Variants in METTL15 observed in about 807,000 individuals in gnomAD.
METTL15 encodes methyltransferase 15, mitochondrial 12S rRNA N4-cytidine.
Under a neutral mutation model 38.3 loss-of-function variants are expected in METTL15, and 34 were observed. The observed-to-expected ratio is 0.89, with a 90% CI of 0.68 to 1.18. The LOEUF is 1.18. Ranked by LOEUF, METTL15 falls within the 50% of genes most tolerant of loss-of-function variation. METTL15 has a pLI of 0.00. For synonymous variants in METTL15, 162 were observed against 170.9 expected (o/e 0.95, Z 0.41); for missense variants, 438 against 498.4 (o/e 0.88, Z 1.15).
At chr11:28,184,425 T>A (rs969866234) in intron 3 of METTL15, among the ~76,000 whole-genome samples, 2 of 151,754 alleles carry the variant, frequency 1.3e-5, no homozygotes, top group South Asian at 4.1e-4. Flanking sequence ...CTACACACTG[T>A]TTTAAATGTG....
At chr11:28,158,409 A>T (rs1480470493) in intron 3 of METTL15, among the ~76,000 whole-genome samples, 3 of 152,144 alleles carry the variant, frequency 2.0e-5, no homozygotes, top group Non-Finnish European at 4.4e-5. Context: ...ACTTCCACTC[A>T]CCAAGGCTGA....
At chr11:28,374,329 C>A (rs1850281383) in intron 5 of METTL15, among the ~76,000 whole-genome samples, 3 of 152,106 alleles carry the variant, frequency 2.0e-5, no homozygotes, top group African/African-American at 7.2e-5. Context: ...TTTGTATCCT[C>A]TTTTATTTCA....
intron 6 of METTL15, among the ~76,000 whole-genome samples, chr11:28,324,844 G>A (rs984424359): frequency 6.6e-6 from 1 of 152,110 alleles, no homozygotes; most frequent in African/African-American, 2.4e-5. Flanking sequence ...AAGAACAATC[G>A]GGGCCGTAGG....
At chr11:28,165,675 T>C (rs1850633330) in intron 3 of METTL15, among the ~76,000 whole-genome samples, 1 of 151,670 alleles carries the variant, frequency 6.6e-6, no homozygotes. Context: ...ATTCCATTTG[T>C]CTATTTTTGC....
chr11:28,154,889 G>A (rs1321351597), intron 3 of METTL15, among the ~76,000 whole-genome samples: 3 of 152,074 alleles, frequency 2.0e-5, no homozygotes, highest in African/African-American at 7.2e-5. Flanking sequence ...GCCATTCTCA[G>A]TATAAGATGA....
intron 6 of METTL15, among the ~76,000 whole-genome samples, chr11:28,519,920 G>A (rs767544316): frequency 6.6e-6 from 1 of 152,130 alleles, no homozygotes; most frequent in African/African-American, 2.4e-5. Context: ...CTGATTGTTT[G>A]TCCAGGCATT....
chr11:28,166,537 T>A (rs1026306438), intron 3 of METTL15, among the ~76,000 whole-genome samples: 3 of 152,220 alleles, frequency 2.0e-5, no homozygotes, highest in African/African-American at 2.4e-5. Context: ...AGCCATAATG[T>A]GTAGTTTAAA....
intron 3 of METTL15, among the ~76,000 whole-genome samples, chr11:28,350,201 G>A (rs1564903310): frequency 6.6e-6 from 1 of 152,134 alleles, no homozygotes; most frequent in Non-Finnish European, 1.5e-5. Context: ...ACCATAATCT[G>A]ATCCATGGGA....
intron 6 of METTL15, among the ~76,000 whole-genome samples, chr11:28,500,281 C>T (rs184317322): frequency 9.1e-4 from 139 of 152,312 alleles, no homozygotes; most frequent in African/African-American, 1.6e-3. Flanking sequence ...CTTCGATCAG[C>T]TTCCAATCCA....
chr11:28,317,881 A>G (rs114278167), intron 6 of METTL15, among the ~76,000 whole-genome samples: 2,509 of 152,298 alleles, frequency 0.016, 63 homozygotes, highest in African/African-American at 0.054. Context: ...TTCTCAATCA[A>G]TGCTTCCAGT....
chr11:28,337,279 TAAG>T (rs553933571), downstream of METTL15, among the ~76,000 whole-genome samples: 291 of 152,262 alleles, frequency 1.9e-3, no homozygotes, highest in African/African-American at 5.9e-3. Flanking sequence ...TAATTTTTTT[TAAG>T]ATACAGAGTC....
chr11:28,220,412 T>G (rs943401718), intron 4 of METTL15, among the ~76,000 whole-genome samples: 6 of 152,184 alleles, frequency 3.9e-5, no homozygotes, highest in Non-Finnish European at 5.9e-5. Flanking sequence ...TCCATTTGCT[T>G]GGTAGATCTT....
intron 3 of METTL15, among the ~76,000 whole-genome samples, chr11:28,135,653 A>G (rs1281092892): frequency 2.6e-5 from 4 of 152,238 alleles, no homozygotes; most frequent in Non-Finnish European, 4.4e-5. Context: ...GCAAAGGAAA[A>G]TGAATTATTA....
chr11:28,125,050 A>G (rs1443098965), intron 3 of METTL15, among the ~76,000 whole-genome samples: 2 of 152,122 alleles, frequency 1.3e-5, no homozygotes, highest in East Asian at 3.8e-4. Flanking sequence ...TTTAGAAGTT[A>G]AATACAGACA....
chr11:28,168,620 C>G (rs1431614882), intron 3 of METTL15, among the ~76,000 whole-genome samples: 1 of 145,554 alleles, frequency 6.9e-6, no homozygotes, highest in African/African-American at 2.6e-5. Context: ...CTCCCCCTCC[C>G]CCCATGCCAC....
intron 6 of METTL15, among the ~76,000 whole-genome samples, chr11:28,462,936 A>G (rs979203248): frequency 2.0e-5 from 3 of 152,140 alleles, no homozygotes; most frequent in African/African-American, 7.2e-5. Flanking sequence ...TTTTAGAGGC[A>G]GAATCAACAA....
At chr11:28,291,741 G>A (rs529009930) in intron 5 of METTL15, among the ~76,000 whole-genome samples, 2 of 152,246 alleles carry the variant, frequency 1.3e-5, no homozygotes, top group African/African-American at 4.8e-5. Context: ...GGAGATGGAG[G>A]TGGTTGTGTA....
chr11:28,262,464 T>C (rs146549756), intron 4 of METTL15, among the ~76,000 whole-genome samples: 1 of 151,824 alleles, frequency 6.6e-6, no homozygotes, highest in Non-Finnish European at 1.5e-5. Flanking sequence ...TAGTCTTATA[T>C]ATATGTGTAT....
intron 3 of METTL15, among the ~76,000 whole-genome samples, chr11:28,155,674 G>A (rs1410574762): frequency 1.3e-5 from 2 of 152,164 alleles, no homozygotes; most frequent in African/African-American, 4.8e-5. Flanking sequence ...CAAGAGGTTA[G>A]ATCTTGGATA....
Sources: allele counts gnomAD v4.1 joint callset (sites outside exome capture counted in the v4.1 genomes callset), GRCh38; gene constraint gnomAD v4.1.1; transcripts MANE v1.5; gene names NCBI Gene and HGNC (gene_info 2026-07-23, HGNC 2026-07-21).